Variants in PITPNA observed in about 807,000 individuals in gnomAD.
PITPNA encodes the protein phosphatidylinositol transfer protein alpha.
Under a neutral mutation model 50.3 loss-of-function variants are expected in PITPNA, and 13 were observed. The observed-to-expected ratio is 0.26, with a 90% CI of 0.17 to 0.41. The LOEUF is 0.41. Among genes scored for constraint, PITPNA ranks in the 10% least tolerant of loss-of-function variants. PITPNA has a pLI of 1.00. For missense variants in PITPNA, 207 were observed against 333.4 expected (o/e 0.62, Z 2.95); for synonymous variants, 120 against 119.6 (o/e 1.00, Z -0.02).
intron 1 of PITPNA, 84 bp from the exon 2 acceptor site, chr17:1,558,643 G>A (rs2075751546): frequency 3.1e-6 from 3 of 953,286 alleles, no homozygotes; most frequent in Non-Finnish European, 3.3e-6. Flanking sequence ...AAAACAGTCA[G>A]CAGCATTCTA....
chr17:1,562,437 GC>G lies in PITPNA; in HGVS notation c.20+103del. 2.1e-6 allele frequency: 2 copies of G among 954,432 alleles called. No homozygotes were observed. The highest frequency in any genetic ancestry group is 1.5e-6 in the Non-Finnish European group (1 of 687,876). The allele number at this position is 954,432 out of a possible 1,614,324, so 59.1% of individuals were successfully genotyped here. On this transcript the variant is annotated intron_variant, in intron 1 of 11. Coordinates refer to ENST00000313486, the MANE Select transcript of PITPNA (RefSeq NM_006224.4). This position sits in a 1 kb window ranked among gnomAD's most constrained non-coding sequence, Gnocchi z 6.4. ...GCCTCAGGCACCCTCCGTCCCTGCTGCCCCTCCGTCCATCCGGGCCCTGCGT... is the reference window on the plus strand; with the variant it reads ...GCCTCAGGCACCCTCCGTCCCTGCTGCCCTCCGTCCATCCGGGCCCTGCGT...
At chr17:1,555,090 T>A (rs2075728601) in intron 2 of PITPNA, among the ~76,000 whole-genome samples, 1 of 152,078 alleles carries the variant, frequency 6.6e-6, no homozygotes, top group Non-Finnish European at 1.5e-5. Flanking sequence ...AACCACTGAC[T>A]CAGCAATCCT....
chr17:1,558,785 C>G (rs535455548), intron 1 of PITPNA, among the ~76,000 whole-genome samples: 3 of 109,282 alleles, frequency 2.7e-5, no homozygotes, highest in African/African-American at 1.0e-4. Context: ...CCCCCGCCCC[C>G]CCCCCCAGAG....
intron 6 of PITPNA, among the ~76,000 whole-genome samples, chr17:1,540,593 C>T (rs539686852): frequency 1.2e-3 from 170 of 144,124 alleles, no homozygotes; most frequent in Middle Eastern, 7.1e-3. Flanking sequence ...TTTTTTTTCT[C>T]TTTTTTTTTT....
chr17:1,536,070 AC>A (rs1408739695), intron 7 of PITPNA, among the ~76,000 whole-genome samples: 1 of 152,136 alleles, frequency 6.6e-6, no homozygotes, highest in African/African-American at 2.4e-5. Flanking sequence ...AGTGTATGGA[AC>A]CTATCCACTA....
intron 4 of PITPNA, among the ~76,000 whole-genome samples, chr17:1,547,998 A>AAAAT (rs1473097483): frequency 2.0e-5 from 3 of 152,216 alleles, no homozygotes; most frequent in Non-Finnish European, 2.9e-5. Flanking sequence ...CATCTCCCAA[A>AAAAT]AAATAAATAA....
At chr17:1,528,474 T>C (rs2075560826) in intron 10 of PITPNA, among the ~76,000 whole-genome samples, 1 of 152,130 alleles carries the variant, frequency 6.6e-6, no homozygotes, top group Non-Finnish European at 1.5e-5. Flanking sequence ...GGGCCAGGTA[T>C]AGTGGCTCAT....
At chr17:1,543,098 A>AC in intron 4 of PITPNA, 71 bp from the exon 5 acceptor site, 2 of 1,204,878 alleles carry the variant, frequency 1.7e-6, no homozygotes, top group Non-Finnish European at 2.4e-6. Flanking sequence ...TCTGCCCCCC[A>AC]CCCCCCACAA....
intron 7 of PITPNA, among the ~76,000 whole-genome samples, chr17:1,536,510 CG>C (rs1230861621): frequency 2.6e-5 from 4 of 151,976 alleles, no homozygotes; most frequent in African/African-American, 9.7e-5. Flanking sequence ...AGGATGGTCT[CG>C]ATCTCCTGAC....
rs2075487937 is a variant in PITPNA, at chr17:1,518,596, G to T, written c.*1965C>A. On this transcript the variant is annotated 3_prime_UTR_variant, in exon 12 of 12. Coordinates refer to ENST00000313486, the MANE Select transcript of PITPNA (RefSeq NM_006224.4). ...CAACTGGGGCAACAGGTGGAGGTGG[G>T]AGGAGCCCTTGTTAGGGCTAAAGTG... The T allele has an allele frequency of 6.6e-6, 1 of 152,620 alleles. No individual in the cohort carries two copies. The highest frequency in any genetic ancestry group is 2.1e-4 in the South Asian group (1 of 4,824). The allele number at this position is 152,620 out of a possible 1,614,324, so 9.5% of individuals were successfully genotyped here. A position where few individuals can be genotyped will look rare whatever the true frequency, so the allele number is the denominator to read the frequency against.
chr17:1,530,642 G>A (rs1236231124), intron 10 of PITPNA, among the ~76,000 whole-genome samples: 2 of 152,138 alleles, frequency 1.3e-5, no homozygotes, highest in Non-Finnish European at 2.9e-5. Flanking sequence ...AGTTCATCAC[G>A]GTGCATGGAA....
At chr17:1,522,954 C>T (rs746436557) in intron 10 of PITPNA, among the ~76,000 whole-genome samples, 9 of 152,138 alleles carry the variant, frequency 5.9e-5, no homozygotes, top group Admixed American at 5.2e-4. Context: ...GAGAGGAGTT[C>T]CCGGCAGAGT....
At position 1,538,873 on chromosome 17, in the gene PITPNA, C is replaced by G; in HGVS notation, c.452G>C (p.Ser151Thr). The G allele has an allele frequency of 6.2e-7, 1 of 1,610,306 alleles. No individual in the cohort carries two copies. The highest frequency in any genetic ancestry group is 1.3e-5 in the African/African-American group (1 of 74,994). ...ACGTCTTTAAACGGATCCTACCTTG[C>G]TGAGCACTTGGCTTCGATCTGCAAT... is the stretch of plus-strand genomic sequence containing the variant. ...IDIADRSQVL[S>T]KDYKAEEDPA... Residue 151 changes from serine (S) to threonine (T), a missense_variant, in exon 7 of 12, where the codon AGC becomes ACC. Ser to Thr is a moderately conservative substitution (Grantham distance 58, BLOSUM62 1). Transcript: ENST00000313486.
At chr17:1,521,726 G>A (rs1333404275) in intron 10 of PITPNA, 81 bp from the exon 11 acceptor site, 2 of 1,154,726 alleles carry the variant, frequency 1.7e-6, no homozygotes, top group South Asian at 1.2e-5. Context: ...CCATAGGTGG[G>A]GTGGGGCATA....
intron 3 of PITPNA, among the ~76,000 whole-genome samples, chr17:1,551,279 CTTT>C: frequency 6.6e-6 from 1 of 150,594 alleles, no homozygotes; most frequent in Middle Eastern, 3.4e-3. Flanking sequence ...TTTTCTTTTT[CTTT>C]TTTTTCTTTT....
chr17:1,556,406 G>A (rs554083763), intron 2 of PITPNA, among the ~76,000 whole-genome samples: 6 of 152,054 alleles, frequency 3.9e-5, no homozygotes, highest in African/African-American at 9.7e-5. Context: ...GTGAACACCC[G>A]CCAACTGTGG....
chr17:1,521,578 C>T lies in PITPNA; in HGVS notation c.*22+1G>A. On this transcript the variant is annotated splice_donor_variant, in intron 11 of 11. Coordinates refer to ENST00000313486, the MANE Select transcript of PITPNA (RefSeq NM_006224.4). LOFTEE classifies it low-confidence loss of function (3UTR_SPLICE). ...CGCACAGTGAGAAATTTGGTACGTA[C>T]AGTGCAGAGGGGAAAGGCGGCTTTA... The T allele has an allele frequency of 1.2e-6, 2 of 1,606,358 alleles. No homozygotes were observed. Among genetic ancestry groups the T allele is most frequent in the Non-Finnish European group, 1.7e-6 (2 of 1,172,916 alleles).
intron 7 of PITPNA, among the ~76,000 whole-genome samples, chr17:1,536,089 G>A (rs948246510): frequency 6.6e-6 from 1 of 152,108 alleles, no homozygotes; most frequent in Non-Finnish European, 1.5e-5. Flanking sequence ...CTACTGGTGA[G>A]TCTCACTTCA....
At chr17:1,555,052 G>A (rs1005126736) in intron 2 of PITPNA, among the ~76,000 whole-genome samples, 2 of 152,146 alleles carry the variant, frequency 1.3e-5, no homozygotes, top group African/African-American at 4.8e-5. Context: ...CAGTAACTCC[G>A]TTTCAGAGAA....
Sources: allele counts gnomAD v4.1 joint callset (sites outside exome capture counted in the v4.1 genomes callset), GRCh38; gene constraint gnomAD v4.1.1; non-coding constraint Gnocchi (gnomAD v3.1); transcripts MANE v1.5; gene names NCBI Gene and HGNC (gene_info 2026-07-23, HGNC 2026-07-21).